Variants in CSMD1 observed in about 807,000 individuals in gnomAD.
CSMD1 encodes CUB and sushi domain-containing protein 1.
Under a neutral mutation model 417.5 loss-of-function variants are expected in CSMD1, and 213 were observed. That is an observed-to-expected ratio of 0.51 (90% CI 0.46 to 0.57). The LOEUF (loss-of-function observed/expected upper bound fraction) is 0.57, where lower values mean the gene tolerates loss of function less well. CSMD1 is among the 20% of genes least tolerant of loss of function. The pLI is 0.00. For missense variants in CSMD1, 6,923 were observed against 4,529.7 expected, an observed-to-expected ratio of 1.53 and a Z score of -15.17; for synonymous variants, 2,862 against 1,736.8, an observed-to-expected ratio of 1.65 and a Z score of -16.11.
chr8:4,869,210 C>T (rs924170285), intron 1 of CSMD1, among the ~76,000 whole-genome samples: 1 of 151,886 alleles, frequency 6.6e-6, no homozygotes, highest in Non-Finnish European at 1.5e-5. Context: ...TAATTTAGAA[C>T]TGTATTTTCC....
At chr8:3,747,944 C>T (rs1797140721) in intron 6 of CSMD1, among the ~76,000 whole-genome samples, 1 of 152,086 alleles carries the variant, frequency 6.6e-6, no homozygotes, top group African/African-American at 2.4e-5. Flanking sequence ...ACCCTTGTCC[C>T]ACTTTTCTTC....
At position 3,220,626 on chromosome 8, in the gene CSMD1, T is replaced by A. The variant is rs187705976; in HGVS notation, c.4485-1184A>T. The stretch of plus-strand genomic sequence containing the variant: ...GGCAGGCAGATCACGAGGTCAGGAG[T>A]TCGAGAACAGCCTGGCCAATATGGT... On this transcript the variant is annotated intron_variant, in intron 28 of 69. Transcript: ENST00000635120. Among the ~76,000 whole-genome samples, 373 of 151,966 alleles carry A rather than the reference T, an allele frequency of 2.5e-3. 4 individuals are homozygous for A. Among genetic ancestry groups the A allele is most frequent in the African/African-American group, 8.4e-3 (350 of 41,430 alleles).
chr8:4,560,092 G>T (rs1291094027), intron 2 of CSMD1, among the ~76,000 whole-genome samples: 1 of 152,194 alleles, frequency 6.6e-6, no homozygotes, highest in African/African-American at 2.4e-5. Flanking sequence ...CTCGTGCTTG[G>T]GCCACCTCCA....
chr8:4,191,934 C>T (rs1271029211), intron 3 of CSMD1, among the ~76,000 whole-genome samples: 2 of 152,146 alleles, frequency 1.3e-5, no homozygotes, highest in South Asian at 4.1e-4. Context: ...AATTCAGCTC[C>T]CTTAAACCAA....
intron 3 of CSMD1, among the ~76,000 whole-genome samples, chr8:4,295,127 C>A (rs895489789): frequency 7.0e-6 from 1 of 142,638 alleles, no homozygotes; most frequent in Admixed American, 7.1e-5. Context: ...CACATATAAT[C>A]TTAAGATTAT....
intron 3 of CSMD1, among the ~76,000 whole-genome samples, chr8:4,198,692 C>T (rs547743584): frequency 6.6e-6 from 1 of 152,206 alleles, no homozygotes; most frequent in Admixed American, 6.5e-5. Flanking sequence ...ACCCCAAGGA[C>T]TACATGGATA....
intron 25 of CSMD1, among the ~76,000 whole-genome samples, chr8:3,299,905 A>G (rs1263012677): frequency 1.3e-5 from 2 of 152,166 alleles, no homozygotes; most frequent in Admixed American, 6.5e-5. Flanking sequence ...TGGTATATCT[A>G]CTCCTTTTAG....
At chr8:3,696,076 C>T (rs1165046833) in intron 7 of CSMD1, among the ~76,000 whole-genome samples, 8 of 152,098 alleles carry the variant, frequency 5.3e-5, no homozygotes, top group Admixed American at 5.2e-4. Flanking sequence ...TTATGGGGGA[C>T]AGGGAATGAG....
chr8:4,144,993 G>T (rs113154331), intron 3 of CSMD1, among the ~76,000 whole-genome samples: 2 of 151,044 alleles, frequency 1.3e-5, no homozygotes, highest in Non-Finnish European at 2.9e-5. Flanking sequence ...TTCATAAAAC[G>T]TTCTCTACTT....
At chr8:4,199,067 C>A (rs556216710) in intron 3 of CSMD1, among the ~76,000 whole-genome samples, 1 of 152,204 alleles carries the variant, frequency 6.6e-6, no homozygotes, top group Non-Finnish European at 1.5e-5. Flanking sequence ...TGGCAAAACC[C>A]CTGAGGTAGT....
intron 25 of CSMD1, among the ~76,000 whole-genome samples, chr8:3,295,234 C>A (rs915698877): frequency 1.3e-5 from 2 of 152,014 alleles, no homozygotes; most frequent in African/African-American, 4.8e-5. Context: ...ATGCCATTCT[C>A]CTGCCTCAGC....
rs1563096114 is a variant in CSMD1, at chr8:4,363,642, T to C, written c.415+56311A>G. On this transcript the variant is annotated intron_variant, in intron 3 of 69. Transcript: ENST00000635120. Reference sequence around the variant, plus strand: ...CCCTGGGAAGGACGGTGCCAGGACATACAACTGGCAGGCAGCCTTTAAAAA... The same window carrying C: ...CCCTGGGAAGGACGGTGCCAGGACACACAACTGGCAGGCAGCCTTTAAAAA... Among the ~76,000 whole-genome samples the C allele has an allele frequency of 3.3e-5, 5 of 152,200 alleles. 1 individual carries two copies. Among genetic ancestry groups the C allele is most frequent in the Admixed American group, 6.5e-5 (1 of 15,278 alleles).
At chr8:4,535,815 T>A (rs748272067) in intron 2 of CSMD1, among the ~76,000 whole-genome samples, 6 of 152,156 alleles carry the variant, frequency 3.9e-5, no homozygotes, top group Non-Finnish European at 8.8e-5. Flanking sequence ...TTCCCTTTCT[T>A]TAAAGGAAAT....
chr8:3,174,695 A>G (rs1183642752), intron 37 of CSMD1, among the ~76,000 whole-genome samples: 1 of 152,206 alleles, frequency 6.6e-6, no homozygotes, highest in Non-Finnish European at 1.5e-5. Flanking sequence ...TATTGTCAGA[A>G]CATTTAAAGC....
intron 8 of CSMD1, among the ~76,000 whole-genome samples, chr8:3,610,918 C>A (rs188038580): frequency 9.9e-5 from 15 of 151,970 alleles, no homozygotes; most frequent in African/African-American, 3.6e-4. Flanking sequence ...ATGGGAAAAA[C>A]TGATGGCGAT....
intron 7 of CSMD1, among the ~76,000 whole-genome samples, chr8:3,666,479 C>G (rs923599137): frequency 4.0e-5 from 5 of 124,432 alleles, no homozygotes; most frequent in African/African-American, 1.5e-4. Flanking sequence ...TTGCTGTTAA[C>G]ATGCACAGGG....
chr8:4,777,325 G>A (rs1796904314), intron 1 of CSMD1, among the ~76,000 whole-genome samples: 2 of 152,304 alleles, frequency 1.3e-5, no homozygotes, highest in South Asian at 2.1e-4. Context: ...ACTGGGACTA[G>A]TAAATGAGAG....
intron 2 of CSMD1, among the ~76,000 whole-genome samples, chr8:4,524,493 C>T (rs181901280): frequency 3.3e-4 from 50 of 150,436 alleles, no homozygotes; most frequent in African/African-American, 1.1e-3. Context: ...GTGAAGCCCA[C>T]GGGATATGTG....
intron 8 of CSMD1, among the ~76,000 whole-genome samples, chr8:3,601,969 G>C (rs1225462312): frequency 6.6e-6 from 1 of 152,134 alleles, no homozygotes; most frequent in Non-Finnish European, 1.5e-5. Context: ...AAGTACAATG[G>C]TGGCTGTCGG....
Sources: gnomAD v4.1 joint callset for allele counts (sites outside exome capture counted in the v4.1 genomes callset) on GRCh38, gnomAD v4.1.1 for gene constraint, MANE v1.5 for transcripts, NCBI Gene and HGNC (gene_info 2026-07-23, HGNC 2026-07-21) for gene names.